GRHL2: variants seen among roughly 807,000 people sequenced by gnomAD.
GRHL2 encodes grainyhead-like protein 2 homolog.
A neutral mutation model predicts 83.8 loss-of-function variants in GRHL2; 21 were observed. The observed-to-expected ratio is 0.25, with a 90% confidence interval of 0.18 to 0.36. GRHL2 has a LOEUF of 0.36. Ranked by LOEUF, GRHL2 falls within the 10% of genes least tolerant of loss-of-function variation. GRHL2 has a pLI of 1.00. For missense variants in GRHL2, 623 were observed against 781.8 expected, an observed-to-expected ratio of 0.80 and a Z score of 2.42; for synonymous variants, 280 against 278.9, an observed-to-expected ratio of 1.00 and a Z score of -0.04.
At position 101,570,387 on chromosome 8, in the gene GRHL2, A is replaced by T. The variant is rs771592503; in HGVS notation, c.727A>T (p.Thr243Ser). The T allele has an allele frequency of 1.2e-6, 2 of 1,613,762 alleles. No individual in the cohort carries two copies. The highest frequency in any genetic ancestry group is 1.7e-6 in the Non-Finnish European group (2 of 1,179,640). Residue 243 changes from threonine (T) to serine (S), a missense_variant, in exon 5 of 16, where the codon ACA (threonine) becomes TCA (serine). Physicochemically the swap from Thr to Ser is moderately conservative, Grantham distance 58. This residue lies in a region of GRHL2 where 239 missense variants were observed against 240.5 expected (regional missense o/e 0.99). Transcript: ENST00000646743. The stretch of plus-strand genomic sequence containing the variant: ...GGCTGAGGAGTACATGTATGATCAG[A>T]CATCAAGGTGAGTTACCAGGAGATG... ...VGAEEYMYDQ[T>S]SSGTFQYTLE...
chr8:101,565,127 T>A (rs1040287102), intron 4 of GRHL2, among the ~76,000 whole-genome samples: 4 of 152,156 alleles, frequency 2.6e-5, no homozygotes, highest in African/African-American at 7.2e-5. Context: ...GGTGCATTAT[T>A]TTTTCCATTT....
At chr8:101,605,833 C>T (rs1436348881) in intron 8 of GRHL2, among the ~76,000 whole-genome samples, 2 of 152,202 alleles carry the variant, frequency 1.3e-5, no homozygotes, top group Non-Finnish European at 2.9e-5. Flanking sequence ...CTTTCAATTA[C>T]AGTGCTGAGA....
chr8:101,623,540 G>A (rs1268583476), intron 9 of GRHL2, among the ~76,000 whole-genome samples: 2 of 134,976 alleles, frequency 1.5e-5, no homozygotes, highest in Non-Finnish European at 3.0e-5. Flanking sequence ...TTCACAGTAA[G>A]ACAGTTCACG....
Position 101,652,584 on chromosome 8 carries a change from G to A in GRHL2, c.1698+3085G>A, listed in dbSNP as rs1271480424. On this transcript the variant is annotated intron_variant, in intron 14 of 15. Transcript: ENST00000646743. ...TGGTGGTGTGTGTGTGGTGTGTGTG[G>A]TGTCTGTGTGTGTGTGGTGTGTGTG... Among the ~76,000 whole-genome samples, 48 of 70,684 alleles carry A rather than the reference G, an allele frequency of 6.8e-4. No homozygotes were observed. In the East Asian group the frequency reaches 0.016, roughly 23 times the overall value. The allele number at this position is 70,684 out of a possible 152,430, so 46.4% of individuals were successfully genotyped here.
intron 1 of GRHL2, among the ~76,000 whole-genome samples, chr8:101,505,927 G>C (rs745737734): frequency 2.0e-5 from 3 of 152,158 alleles, no homozygotes; most frequent in African/African-American, 4.8e-5. Context: ...CAAGCTCCAA[G>C]TTTTTCCGCT....
At position 101,558,472 on chromosome 8, in the gene GRHL2, G is replaced by A. The variant is rs774477960; in HGVS notation, c.338G>A (p.Arg113Gln). 6 of 1,614,166 alleles carry A rather than the reference G, an allele frequency of 3.7e-6. No homozygotes were observed. Among genetic ancestry groups the A allele is most frequent in the African/African-American group, 1.3e-5 (1 of 75,022 alleles). ...AQSNLSGGEN[R>Q]VQVLKTVPVN... ...AGTAATTTGAGTGGAGGAGAAAACC[G>A]AGTGCAAGTCCTAAAGACTGTTCCA... The change falls in exon 4 of 16, where the codon CGA becomes CAA. Residue 113 changes from arginine (R) to glutamine (Q), a missense_variant. By Grantham distance (43) the Arg-to-Gln change is conservative. Transcript: ENST00000646743.
intron 1 of GRHL2, among the ~76,000 whole-genome samples, chr8:101,532,754 A>AC (rs1457285968): frequency 6.8e-6 from 1 of 146,992 alleles, no homozygotes; most frequent in Non-Finnish European, 1.5e-5. Flanking sequence ...ACTCCATCTC[A>AC]CAAAAAAAAA....
At chr8:101,530,735 A>G (rs1810906461) in intron 1 of GRHL2, among the ~76,000 whole-genome samples, 1 of 152,188 alleles carries the variant, frequency 6.6e-6, no homozygotes. Context: ...CAAATAATGT[A>G]AACTTGTTGT....
At chr8:101,591,378 G>C (rs564059998) in intron 7 of GRHL2, among the ~76,000 whole-genome samples, 1 of 152,280 alleles carries the variant, frequency 6.6e-6, no homozygotes, top group East Asian at 1.9e-4. Flanking sequence ...AGTGCTTGCA[G>C]TATGTGGAGA....
At chr8:101,592,904 A>G (rs868124578) in intron 7 of GRHL2, among the ~76,000 whole-genome samples, 3 of 152,256 alleles carry the variant, frequency 2.0e-5, no homozygotes, top group Middle Eastern at 3.4e-3. Flanking sequence ...GTTCATTCTT[A>G]TTTCGTTAGA....
chr8:101,506,888 A>T (rs1810352016), intron 1 of GRHL2, among the ~76,000 whole-genome samples: 2 of 151,398 alleles, frequency 1.3e-5, no homozygotes, highest in Admixed American at 6.6e-5. Flanking sequence ...ATTTTCTCAG[A>T]TTTTTATTTT....
intron 8 of GRHL2, among the ~76,000 whole-genome samples, chr8:101,605,047 T>A (rs1812602782): frequency 6.6e-6 from 1 of 152,234 alleles, no homozygotes; most frequent in African/African-American, 2.4e-5. Flanking sequence ...TGCCAGAGCA[T>A]CAGCAAATGT....
the GRHL2 span, among the ~76,000 whole-genome samples, chr8:101,676,041 C>T: frequency 6.6e-6 from 1 of 152,032 alleles, no homozygotes; most frequent in Non-Finnish European, 1.5e-5. Context: ...CTTCCTTACA[C>T]CTTATACAAA....
At chr8:101,626,326 G>C (rs1033149154) in intron 9 of GRHL2, among the ~76,000 whole-genome samples, 1 of 151,904 alleles carries the variant, frequency 6.6e-6, no homozygotes, top group South Asian at 2.1e-4. Flanking sequence ...AAAATAAAGG[G>C]CTTCCCTAAT....
chr8:101,580,299 G>A (rs923117779), intron 7 of GRHL2, among the ~76,000 whole-genome samples: 18 of 152,098 alleles, frequency 1.2e-4, no homozygotes, highest in African/African-American at 4.3e-4. Flanking sequence ...CCATTTCTTT[G>A]TGTTCAGATT....
At chr8:101,577,015 C>T (rs1330148189) in intron 6 of GRHL2, among the ~76,000 whole-genome samples, 3 of 151,960 alleles carry the variant, frequency 2.0e-5, no homozygotes, top group Non-Finnish European at 4.4e-5. Context: ...TTACAAATGG[C>T]ATCACATTTT....
chr8:101,590,315 CAG>C (rs1284000677), intron 7 of GRHL2, among the ~76,000 whole-genome samples: 29 of 152,274 alleles, frequency 1.9e-4, no homozygotes, highest in Admixed American at 1.7e-3. Context: ...ATTTTGAAAA[CAG>C]ACAAAAAAAT....
At chr8:101,613,349 A>C (rs1454587856) in intron 8 of GRHL2, among the ~76,000 whole-genome samples, 1 of 150,898 alleles carries the variant, frequency 6.6e-6, no homozygotes, top group Non-Finnish European at 1.5e-5. Context: ...AGTACTTTCT[A>C]AAAGTGCTAT....
intron 8 of GRHL2, among the ~76,000 whole-genome samples, chr8:101,606,762 C>T (rs951652062): frequency 1.3e-5 from 2 of 152,176 alleles, no homozygotes; most frequent in Non-Finnish European, 2.9e-5. Context: ...ACTTCCTCCA[C>T]TCACCTCCTC....
Sources: allele counts gnomAD v4.1 joint callset (sites outside exome capture counted in the v4.1 genomes callset), GRCh38; gene constraint gnomAD v4.1.1; regional missense constraint gnomAD v4.1.1; transcripts MANE v1.5; gene names NCBI Gene and HGNC (gene_info 2026-07-23, HGNC 2026-07-21).